Variants in ANKRD13C observed in about 807,000 individuals in gnomAD.
ANKRD13C encodes ankyrin repeat domain-containing protein 13C.
In ANKRD13C, 16 loss-of-function variants were observed where a neutral mutation model predicts 65.5. The ratio of observed to expected loss-of-function variants is 0.24; its 90% CI spans 0.17 to 0.37. ANKRD13C has a LOEUF of 0.37. Among genes scored for constraint, ANKRD13C ranks in the 10% least tolerant of loss-of-function variants. ANKRD13C has a pLI of 1.00. For synonymous variants in ANKRD13C, 235 were observed against 238.7 expected (o/e 0.98, Z 0.14); for missense variants, 503 against 655.9 (o/e 0.77, Z 2.55).
chr1:70,278,545 C>T (rs947935908), intron 9 of ANKRD13C, among the ~76,000 whole-genome samples: 1 of 151,940 alleles, frequency 6.6e-6, no homozygotes, highest in Non-Finnish European at 1.5e-5. Flanking sequence ...AAACAAAAAC[C>T]TCATAAATTA....
rs1334942607 is a variant in ANKRD13C at position 70,262,290 on chromosome 1, C to G, written c.*427G>C. On this transcript the variant is annotated 3_prime_UTR_variant, in exon 13 of 13. Coordinates refer to ENST00000370944, the MANE Select transcript of ANKRD13C (RefSeq NM_030816.5). Reference sequence around the variant, plus strand: ...TAAATGTCACCTTGCATAAAGATGACAAGTTTAAAAGGGCTCCATATCTCT... The same window carrying G: ...TAAATGTCACCTTGCATAAAGATGAGAAGTTTAAAAGGGCTCCATATCTCT... The G allele has an allele frequency of 6.6e-6, 1 of 152,506 alleles. No homozygotes were observed. Among genetic ancestry groups the G allele is most frequent in the Non-Finnish European group, 1.5e-5 (1 of 68,046 alleles). 9.4% of individuals were successfully genotyped at this position (152,506 alleles called of 1,614,324 possible). A position where few individuals can be genotyped will look rare whatever the true frequency, so the allele number is the denominator to read the frequency against.
rs1180646971 is a variant in ANKRD13C, at chr1:70,324,839, T to C, written c.577+14A>G. 1.3e-6 allele frequency: 2 copies of C among 1,560,788 alleles called. No homozygotes were observed. The highest frequency in any genetic ancestry group is 1.8e-5 in the Admixed American group (1 of 56,854). On this transcript the variant is annotated intron_variant, in intron 3 of 12. Coordinates refer to ENST00000370944, the MANE Select transcript of ANKRD13C (RefSeq NM_030816.5). ...TTAGAAGATATATCAACAACAGTAA[T>C]TCATATTGCTTACTCATCTGCCTAT...
intron 9 of ANKRD13C, among the ~76,000 whole-genome samples, chr1:70,280,767 T>C (rs1347448096): frequency 6.6e-6 from 1 of 152,210 alleles, no homozygotes; most frequent in Non-Finnish European, 1.5e-5. Context: ...TAGCAAGTAC[T>C]GTATACATTT....
rs140648342 is a variant in ANKRD13C, at chr1:70,324,884, C to T, written c.546G>A (p.Ala182=). 6.2e-5 allele frequency: 100 copies of T among 1,611,028 alleles called. No individual in the cohort carries two copies. Among genetic ancestry groups the T allele is most frequent in the Non-Finnish European group, 7.8e-5 (92 of 1,178,230 alleles). Residue 182 remains alanine (A), a synonymous_variant, in exon 3 of 13, where the codon GCG becomes GCA. Coordinates refer to ENST00000370944, the MANE Select transcript of ANKRD13C (RefSeq NM_030816.5). Reference sequence around the variant, plus strand: ...GCCTATCTCCATAGCTGATGGCTTCCGCCAGAGGGCTCCATCCCTGAGCAT... The same window carrying T: ...GCCTATCTCCATAGCTGATGGCTTCTGCCAGAGGGCTCCATCCCTGAGCAT... ...VKNAQGWSPL[A]EAISYGDRQM...
At chr1:70,291,723 C>T (rs1422662215) in intron 9 of ANKRD13C, among the ~76,000 whole-genome samples, 1 of 152,086 alleles carries the variant, frequency 6.6e-6, no homozygotes, top group Non-Finnish European at 1.5e-5. Flanking sequence ...AGAAGAATCG[C>T]TTGAACCTGG....
At chr1:70,314,798 G>A (rs1572117120) in intron 4 of ANKRD13C, among the ~76,000 whole-genome samples, 2 of 148,956 alleles carry the variant, frequency 1.3e-5, no homozygotes, top group Admixed American at 1.3e-4. Flanking sequence ...CATCATGACA[G>A]GTCTATCTTT....
At chr1:70,277,132 G>T (rs1679175771) in intron 9 of ANKRD13C, among the ~76,000 whole-genome samples, 2 of 152,092 alleles carry the variant, frequency 1.3e-5, no homozygotes, top group Middle Eastern at 3.4e-3. Flanking sequence ...CATTATACTA[G>T]CTGCTGAACA....
chr1:70,326,172 A>G (rs1681529020), intron 2 of ANKRD13C, among the ~76,000 whole-genome samples: 1 of 129,778 alleles, frequency 7.7e-6, no homozygotes, highest in Non-Finnish European at 1.6e-5. Context: ...TGGAGGTTGC[A>G]GTGAGCCGAG....
At chr1:70,268,662 AAAGG>A (rs1678739425) in intron 12 of ANKRD13C, among the ~76,000 whole-genome samples, 2 of 152,276 alleles carry the variant, frequency 1.3e-5, no homozygotes, top group South Asian at 4.1e-4. Flanking sequence ...TTTTTGTATC[AAAGG>A]AAGTAAAAAT....
chr1:70,353,912 G>T (rs1001553412), intron 1 of ANKRD13C, 67 bp downstream of exon 1: 2 of 1,442,448 alleles, frequency 1.4e-6, no homozygotes, highest in African/African-American at 2.9e-5. Flanking sequence ...TAGGATTCCA[G>T]AAGCCTGGGG....
rs1679902847 is a variant in ANKRD13C, at chr1:70,292,488, C to T, written c.1115G>A (p.Arg372Lys). The change falls in exon 9 of 13, where the codon AGG (arginine) becomes AAG (lysine). Residue 372 changes from arginine to lysine, a missense_variant. Arg to Lys is a conservative substitution (Grantham distance 26, BLOSUM62 2). Around this residue, in one of 2 missense-constraint regions of ANKRD13C, gnomAD observed 300 missense variants for 478.3 expected, o/e 0.63. Coordinates refer to ENST00000370944, the MANE Select transcript of ANKRD13C (RefSeq NM_030816.5). ...TTCACTGAGATGTTCTCTTCTTTTC[C>T]TTGATTCTAAAACAAGTCCATTCAC... ...YLVNGLVLES[R>K]KRREHLSEED... 6.2e-7 allele frequency: 1 copy of T among 1,608,680 alleles called. No individual in the cohort carries two copies. Among genetic ancestry groups the T allele is most frequent in the Non-Finnish European group, 8.5e-7 (1 of 1,178,362 alleles).
chr1:70,350,020 G>GT (rs1682682113), intron 1 of ANKRD13C, among the ~76,000 whole-genome samples: 1 of 152,134 alleles, frequency 6.6e-6, no homozygotes, highest in African/African-American at 2.4e-5. Flanking sequence ...GTGCATGCCT[G>GT]TAGTCCTAGC....
chr1:70,319,797 A>AT (rs1205716373), intron 3 of ANKRD13C, among the ~76,000 whole-genome samples: 1 of 152,010 alleles, frequency 6.6e-6, no homozygotes, highest in African/African-American at 2.4e-5. Flanking sequence ...TAACTTTTCC[A>AT]CTCATCTGTT....
rs1038185607 is a variant in ANKRD13C, at chr1:70,274,951, A to T, written c.1296-133T>A. On this transcript the variant is annotated intron_variant, in intron 10 of 12. Coordinates refer to ENST00000370944, the MANE Select transcript of ANKRD13C (RefSeq NM_030816.5). Reference sequence around the variant, plus strand: ...TTACTCTGTCTACAGAAATAAAGTTATGCTAAAAGGGAATAAGATATGTAT... The same window carrying T: ...TTACTCTGTCTACAGAAATAAAGTTTTGCTAAAAGGGAATAAGATATGTAT... 8.7e-5 allele frequency: 52 copies of T among 594,292 alleles called. No individual in the cohort carries two copies. The African/African-American group carries it at 9.3e-4, about 11-fold the overall frequency. 36.8% of individuals were successfully genotyped at this position (594,292 alleles called of 1,614,324 possible).
At chr1:70,297,286 G>GGTTTTTTTTTTTTTTTTTTTT (rs1558281019) in intron 7 of ANKRD13C, among the ~76,000 whole-genome samples, 7 of 125,096 alleles carry the variant, frequency 5.6e-5, no homozygotes, top group African/African-American at 1.8e-4. Context: ...GTCCCTTTCT[G>GGTTTTTTTTTTTTTTTTTTTT]ATTTTTTTTT....
At position 70,296,328 on chromosome 1, in the gene ANKRD13C, A is replaced by C. The variant is rs902773690; in HGVS notation, c.922-67T>G. 7.5e-6 allele frequency: 11 copies of C among 1,471,356 alleles called. No homozygotes were observed. The East Asian group carries it at 2.3e-4, about 31-fold the overall frequency. 91.1% of individuals were successfully genotyped at this position (1,471,356 alleles called of 1,614,324 possible). A position where few individuals can be genotyped will look rare whatever the true frequency, so the allele number is the denominator to read the frequency against. Reference sequence around the variant, plus strand: ...TCAAAAGTTCTTAGTACTACATATGAAAATATCAACAATTATAATGGTACC... The same window carrying C: ...TCAAAAGTTCTTAGTACTACATATGCAAATATCAACAATTATAATGGTACC... On this transcript the variant is annotated intron_variant, in intron 7 of 12. Coordinates refer to ENST00000370944, the MANE Select transcript of ANKRD13C (RefSeq NM_030816.5).
intron 9 of ANKRD13C, among the ~76,000 whole-genome samples, chr1:70,287,646 A>G (rs1476706664): frequency 5.3e-5 from 8 of 152,134 alleles, no homozygotes; most frequent in African/African-American, 1.9e-4. Context: ...ATGAAAAGAC[A>G]AGCTGTGGAG....
At chr1:70,274,473 C>CAAAAAAAA (rs769480539) in intron 11 of ANKRD13C, among the ~76,000 whole-genome samples, 86 of 37,682 alleles carry the variant, frequency 2.3e-3, no homozygotes, top group Non-Finnish European at 3.3e-3. Context: ...GACTCCATCT[C>CAAAAAAAA]AAAAAAAAAA....
chr1:70,265,811 T>C (rs1261535059), intron 12 of ANKRD13C, among the ~76,000 whole-genome samples: 1 of 110,444 alleles, frequency 9.1e-6, no homozygotes, highest in African/African-American at 3.6e-5. Context: ...TGCAACAGTG[T>C]CAGACCTTGC....
Sources: allele counts gnomAD v4.1 joint callset (sites outside exome capture counted in the v4.1 genomes callset), GRCh38; gene constraint gnomAD v4.1.1; regional missense constraint gnomAD v4.1.1; transcripts MANE v1.5; gene names NCBI Gene and HGNC (gene_info 2026-07-23, HGNC 2026-07-21).